Variants in TCEAL4 observed in about 807,000 individuals in gnomAD.
TCEAL4 encodes the protein transcription elongation factor A like 4.
A neutral mutation model predicts 1.3 loss-of-function variants in TCEAL4; 1 was observed. The ratio of observed to expected loss-of-function variants is 0.79; its 90% confidence interval spans 0.28 to 3.76. The LOEUF is 3.76. TCEAL4 is among the 30% of genes most tolerant of loss of function. TCEAL4 has a pLI of 0.18. For synonymous variants in TCEAL4, 54 were observed against 50.7 expected, an observed-to-expected ratio of 1.06 and a Z score of -0.28; for missense variants, 129 against 154.7, an observed-to-expected ratio of 0.83 and a Z score of 0.88.
At chrX:103,584,415 A>G (rs1453544724), upstream of TCEAL4, among the ~76,000 whole-genome samples, 1 of 111,751 alleles carries the variant, frequency 8.9e-6, no homozygotes, top group African/African-American at 3.3e-5. Context: ...CGATTGGTCA[A>G]CGACAACGGA....
At chrX:103,584,021 G>A (rs960414322), upstream of TCEAL4, among the ~76,000 whole-genome samples, 5 of 110,061 alleles carry the variant, frequency 4.5e-5, no homozygotes, top group African/African-American at 6.6e-5. Flanking sequence ...TCTGCCTCTC[G>A]GGTTCAAGCA....
In TCEAL4 at chrX:103,585,568, C is replaced by G; in HGVS notation, c.-157C>G. On this transcript the variant is annotated 5_prime_UTR_variant, in exon 1 of 3. Coordinates refer to ENST00000472484, the MANE Select transcript of TCEAL4 (RefSeq NM_001006935.3). ...GAGTGCCTGCCCTCTGTCCCCGCGG[C>G]TGGGTCTCGTCTGCTCCGGTTCCTG... is the stretch of plus-strand genomic sequence containing the variant. 1 of 1,163,579 alleles carries G rather than the reference C, an allele frequency of 8.6e-7. No individual in the cohort carries two copies. The highest frequency in any genetic ancestry group is 1.1e-6 in the Non-Finnish European group (1 of 870,964).
intron 2 of TCEAL4, 156 bp from the exon 3 acceptor site, chrX:103,586,492 CG>C (rs932464434): frequency 1.2e-6 from 1 of 822,523 alleles, no homozygotes; most frequent in African/African-American, 2.1e-5. Context: ...TGGCGGGCTA[CG>C]TGGTGGGCAG....
At chrX:103,578,468 G>C (rs1031046196) in intron 2 of TCEAL4, among the ~76,000 whole-genome samples, 4 of 111,471 alleles carry the variant, frequency 3.6e-5, no homozygotes, top group African/African-American at 1.3e-4. Flanking sequence ...TATAGTATGT[G>C]ATGTTTCCAA....
At position 103,587,051 on chromosome X, in the gene TCEAL4, G is replaced by A; in HGVS notation, c.376G>A (p.Ala126Thr). The change falls in exon 3 of 3, where the codon GCC becomes ACC. Residue 126 changes from alanine to threonine, a missense_variant. Ala to Thr is a moderately conservative substitution (Grantham distance 58). Transcript: ENST00000472484. ...AGCTGAGGATGATGTACCCAGGAAA[G>A]CCAAAAGAAAAACTAATAAGGGGCT... ...RPAEDDVPRK[A>T]KRKTNKGLAH... is the part of the protein sequence containing the mutation. The A allele has an allele frequency of 8.3e-7, 1 of 1,211,485 alleles. No individual in the cohort carries two copies. Among genetic ancestry groups the A allele is most frequent in the African/African-American group, 1.7e-5 (1 of 57,636 alleles).
At chrX:103,581,285 A>C (rs765575151), upstream of TCEAL4, among the ~76,000 whole-genome samples, 146 of 111,748 alleles carry the variant, frequency 1.3e-3, no homozygotes, top group African/African-American at 4.3e-3. Context: ...GACCAGACAT[A>C]TTCACAGCTG....
intron 2 of TCEAL4, 152 bp from the exon 3 acceptor site, chrX:103,586,497 T>G (rs937042754): frequency 1.3e-5 from 11 of 833,916 alleles, no homozygotes; most frequent in Non-Finnish European, 1.8e-5. Context: ...GGCTACGTGG[T>G]GGGCAGAAGG....
At chrX:103,582,966 G>A (rs929391706), upstream of TCEAL4, among the ~76,000 whole-genome samples, 7 of 111,487 alleles carry the variant, frequency 6.3e-5, no homozygotes, top group African/African-American at 2.3e-4. Context: ...TAAAATTTTT[G>A]CAATTTATCC....
In TCEAL4 at chrX:103,587,382, T is replaced by G; in HGVS notation, c.*59T>G. On this transcript the variant is annotated 3_prime_UTR_variant, in exon 3 of 3. Coordinates refer to ENST00000472484, the MANE Select transcript of TCEAL4 (RefSeq NM_001006935.3). ...TTAACGTTACGGTAATACTTTACTT[T>G]AGGCATCCCTCCTGTTGCTAGCAGC... 1 of 1,116,871 alleles carries G rather than the reference T, an allele frequency of 9.0e-7. No individual in the cohort carries two copies. Among genetic ancestry groups the G allele is most frequent in the Non-Finnish European group, 1.2e-6 (1 of 844,365 alleles). 92.0% of individuals were successfully genotyped at this position (1,116,871 alleles called of 1,213,427 possible). A position where few individuals can be genotyped will look rare whatever the true frequency, so the allele number is the denominator to read the frequency against.
rs2073484869 is a variant in TCEAL4 at position 103,576,614 on chromosome X, A to C, written c.63+82A>C. 4 of 538,246 alleles carry C rather than the reference A, an allele frequency of 7.4e-6. No individual in the cohort carries two copies. The Admixed American group carries it at 1.5e-4, about 20-fold the overall frequency. 44.4% of individuals were successfully genotyped at this position (538,246 alleles called of 1,213,427 possible). On this transcript the variant is annotated intron_variant, in intron 1 of 4. Transcript: ENST00000372629. The stretch of plus-strand genomic sequence containing the variant: ...CCCCGTCTCTGCTAAAAATATAAAA[A>C]TTAGCCTGGTGTGGTGGCATGCCCC...
chrX:103,577,121 A>T lies in TCEAL4; in HGVS notation c.91A>T (p.Lys31Ter), dbSNP rs1423073621. The stretch of plus-strand genomic sequence containing the variant: ...CCTCCCAAATTCAAAAGGAAGAGAC[A>T]AAGTCCACATCTGTCAATGCGAAGA... Residue 31 changes from lysine (K) to a stop codon, truncating the protein, a stop_gained, in exon 2 of 5, where the codon AAA (lysine) becomes TAA (stop). Coordinates refer to the TCEAL4 transcript ENST00000372629. LOFTEE classifies it high-confidence loss of function. 3.0e-5 allele frequency: 35 copies of T among 1,165,619 alleles called. No homozygotes were observed. The highest frequency in any genetic ancestry group is 3.4e-5 in the Non-Finnish European group (30 of 872,832).
intron 2 of TCEAL4, among the ~76,000 whole-genome samples, chrX:103,580,494 C>T (rs779924823): frequency 3.6e-5 from 4 of 111,363 alleles, no homozygotes; most frequent in East Asian, 2.8e-4. Context: ...GCTCTTTCAC[C>T]GAGGCTGGAG....
At chrX:103,581,099 C>T (rs778776270), upstream of TCEAL4, among the ~76,000 whole-genome samples, 1 of 111,877 alleles carries the variant, frequency 8.9e-6, no homozygotes, top group South Asian at 3.8e-4. Flanking sequence ...ATACTACAAA[C>T]ACCTTTATGC....
In TCEAL4 at chrX:103,587,101, A is replaced by G; in HGVS notation, c.426A>G (p.Lys142=). 1 of 1,211,803 alleles carries G rather than the reference A, an allele frequency of 8.3e-7. No homozygotes were observed. The highest frequency in any genetic ancestry group is 1.1e-6 in the Non-Finnish European group (1 of 895,545). ...TGGCTCATTACCTCAAGGAGTATAA[A>G]GAGGCCATACATGATATGAATTTCA... ...KGLAHYLKEY[K]EAIHDMNFSN... is the part of the protein sequence containing the mutation. The change falls in exon 3 of 3, where the codon AAA becomes AAG. Residue 142 remains lysine, a synonymous_variant. Coordinates refer to ENST00000472484, the MANE Select transcript of TCEAL4 (RefSeq NM_001006935.3).
At chrX:103,577,132 C>G in exon 2 of TCEAL4, 5 of 1,167,258 alleles carry the variant, frequency 4.3e-6, no homozygotes, top group Non-Finnish European at 5.7e-6. Flanking sequence ...AAGTCCACAT[C>G]TGTCAATGCG....
chrX:103,585,537 C>A lies in TCEAL4; in HGVS notation c.-188C>A. The stretch of plus-strand genomic sequence containing the variant: ...TCTGCACGGGCGCAGATGTAGGCAC[C>A]GGTCCGAGTGCCTGCCCTCTGTCCC... On this transcript the variant is annotated 5_prime_UTR_variant, in exon 1 of 3. Coordinates refer to ENST00000472484, the MANE Select transcript of TCEAL4 (RefSeq NM_001006935.3). 8.7e-7 allele frequency: 1 copy of A among 1,155,133 alleles called. No individual in the cohort carries two copies.
upstream of TCEAL4, among the ~76,000 whole-genome samples, chrX:103,584,923 C>T (rs1833414933): frequency 8.9e-6 from 1 of 112,535 alleles, no homozygotes; most frequent in African/African-American, 3.2e-5. Context: ...GCCAGAAAGG[C>T]TAGCAAATTG....
upstream of TCEAL4, among the ~76,000 whole-genome samples, chrX:103,583,954 G>A (rs1480699160): frequency 9.0e-6 from 1 of 111,331 alleles, no homozygotes; most frequent in African/African-American, 3.3e-5. Flanking sequence ...TTGAGACGAA[G>A]TCTCACTCTG....
upstream of TCEAL4, among the ~76,000 whole-genome samples, chrX:103,584,576 G>A (rs189167273): frequency 1.4e-4 from 16 of 112,155 alleles, no homozygotes; most frequent in African/African-American, 4.9e-4. Context: ...TAAGTGGCAC[G>A]TGACTATAAA....
Sources: allele counts gnomAD v4.1 joint callset (sites outside exome capture counted in the v4.1 genomes callset), GRCh38; gene constraint gnomAD v4.1.1; transcripts MANE v1.5; gene names NCBI Gene and HGNC (gene_info 2026-07-23, HGNC 2026-07-21).